The following PIK3C2B variants were observed in gnomAD, a reference collection of about 807,000 sequenced individuals.
PIK3C2B encodes the protein phosphatidylinositol 4-phosphate 3-kinase C2 domain-containing subunit beta.
PIK3C2B carries 83 observed loss-of-function variants against 184.3 expected under a neutral mutation model. That is an observed-to-expected ratio of 0.45 (90% CI 0.38 to 0.54). The LOEUF is 0.54. Among genes scored for constraint, PIK3C2B ranks in the 20% least tolerant of loss-of-function variants. PIK3C2B has a pLI of 0.00. For synonymous variants in PIK3C2B, 779 were observed against 837.6 expected, an observed-to-expected ratio of 0.93 and a Z score of 1.21; for missense variants, 1,736 against 2,113.5, an observed-to-expected ratio of 0.82 and a Z score of 3.50.
At chr1:204,459,606 G>A (rs1028398028) in intron 8 of PIK3C2B, among the ~76,000 whole-genome samples, 4 of 152,168 alleles carry the variant, frequency 2.6e-5, no homozygotes, top group Admixed American at 6.5e-5. Context: ...CCTTAGCTCT[G>A]GAGACATCCT....
At position 204,439,070 on chromosome 1, in the gene PIK3C2B, C is replaced by T; in HGVS notation, c.3381G>A (p.Gly1127=). ...FRCFSTGRGR[G]MVEMIPNAET... Reference sequence around the variant, plus strand: ...CAGCATTAGGGATCATCTCCACCATCCCTGTGAGGGGAGAAATGGGGGTCA... The same window carrying T: ...CAGCATTAGGGATCATCTCCACCATTCCTGTGAGGGGAGAAATGGGGGTCA... The change falls in exon 23 of 33, where the codon GGG becomes GGA. Residue 1127 remains glycine (G), a splice_region_variant and synonymous_variant. Transcript: ENST00000684373. The T allele has an allele frequency of 6.2e-7, 1 of 1,613,396 alleles. No homozygotes were observed. Among genetic ancestry groups the T allele is most frequent in the Non-Finnish European group, 8.5e-7 (1 of 1,179,756 alleles).
At chr1:204,455,747 G>A in intron 11 of PIK3C2B, 109 bp downstream of exon 11, 3 of 871,470 alleles carry the variant, frequency 3.4e-6, no homozygotes, top group East Asian at 2.7e-5. Flanking sequence ...GTCACACAAT[G>A]CCACACATCC....
chr1:204,467,532 G>A (rs1655907837), intron 2 of PIK3C2B, among the ~76,000 whole-genome samples: 1 of 152,152 alleles, frequency 6.6e-6, no homozygotes, highest in South Asian at 2.1e-4. Context: ...AGAATGCTAA[G>A]CTGTCACAGA....
At chr1:204,471,969 T>C (rs922183841) in intron 1 of PIK3C2B, among the ~76,000 whole-genome samples, 7 of 152,132 alleles carry the variant, frequency 4.6e-5, no homozygotes, top group Non-Finnish European at 1.0e-4. Context: ...ATTGATTTTT[T>C]TTTTTCCCCC....
At position 204,432,322 on chromosome 1, in the gene PIK3C2B, C is replaced by T; in HGVS notation, c.4033G>A (p.Gly1345Ser). ...GAGAGGGTCAGCCGGTCATCTGAGCCCGTGAACTTCATCTGAGCCAGATTA... is the reference window on the plus strand; with the variant it reads ...GAGAGGGTCAGCCGGTCATCTGAGCTCGTGAACTTCATCTGAGCCAGATTA... ...IHNLAQMKFT[G>S]SDDRLTLSFA... is the part of the protein sequence containing the mutation. The change falls in exon 27 of 33, where the codon GGC (glycine) becomes AGC (serine). Residue 1345 changes from glycine to serine, a missense_variant. Coordinates refer to ENST00000684373, the MANE Select transcript of PIK3C2B (RefSeq NM_001377334.1). 6.2e-7 allele frequency: 1 copy of T among 1,614,128 alleles called. No homozygotes were observed. The highest frequency in any genetic ancestry group is 8.5e-7 in the Non-Finnish European group (1 of 1,180,016).
Position 204,428,175 on chromosome 1 carries a change from T to C in PIK3C2B, c.4444A>G (p.Lys1482Glu), listed in dbSNP as rs767829179. 1 of 1,612,832 alleles carries C rather than the reference T, an allele frequency of 6.2e-7. No individual in the cohort carries two copies. The highest frequency in any genetic ancestry group is 1.3e-5 in the African/African-American group (1 of 74,904). ...GGAGCTGGGCTGGTGCCCATAGCCT[T>C]CTCATCCCGGGGCAGTGGGTGGAAG... ...TFFHPLPRDE[K>E]AMGTSPAPKS... The change falls in exon 30 of 33, where the codon AAG (lysine) becomes GAG (glutamate). Residue 1482 changes from lysine to glutamate, a missense_variant. By Grantham distance (56) the Lys-to-Glu change is moderately conservative. Coordinates refer to ENST00000684373, the MANE Select transcript of PIK3C2B (RefSeq NM_001377334.1).
At chr1:204,437,434 G>A (rs1034666231) in intron 23 of PIK3C2B, among the ~76,000 whole-genome samples, 1 of 152,176 alleles carries the variant, frequency 6.6e-6, no homozygotes, top group Non-Finnish European at 1.5e-5. Flanking sequence ...GGTGGAGGTT[G>A]CAGTGAGCCA....
chr1:204,458,140 T>C (rs1318783118), intron 8 of PIK3C2B, among the ~76,000 whole-genome samples: 1 of 152,222 alleles, frequency 6.6e-6, no homozygotes, highest in Non-Finnish European at 1.5e-5. Flanking sequence ...CCTCTCTCTA[T>C]AGTTAGTCTA....
At chr1:204,449,543 T>C (rs6660789) in intron 13 of PIK3C2B, among the ~76,000 whole-genome samples, 2 of 152,032 alleles carry the variant, frequency 1.3e-5, no homozygotes, top group South Asian at 4.1e-4. Flanking sequence ...CTTCATGAGG[T>C]GGGGAGGCTG....
chr1:204,432,076 C>A, intron 27 of PIK3C2B, 124 bp downstream of exon 27: 1 of 886,068 alleles, frequency 1.1e-6, no homozygotes, highest in Non-Finnish European at 1.8e-6. Context: ...TCCAGGACTG[C>A]TCCCAGCACA....
intron 27 of PIK3C2B, 109 bp downstream of exon 27, chr1:204,432,091 G>A (rs1023631207): frequency 1.6e-5 from 16 of 981,966 alleles, no homozygotes; most frequent in African/African-American, 3.2e-5. Context: ...AGCACAGGAC[G>A]CTCGGTCAAC....
Position 204,433,346 on chromosome 1 carries a change from GTAT to G in PIK3C2B, c.3920_3922del (p.Asp1307_Thr1308delinsAla). On this transcript the variant is annotated inframe_deletion, in exon 26 of 33. Coordinates refer to ENST00000684373, the MANE Select transcript of PIK3C2B (RefSeq NM_001377334.1). This position sits in a 1 kb window ranked among gnomAD's most constrained non-coding sequence, Gnocchi z 5.0. Reference sequence around the variant, plus strand: ...GAAGTAGGTAGTGGCATTGGCCTCTGTATCCTGAGGCCTCAGGGCATCGTACAC... The same window carrying G: ...GAAGTAGGTAGTGGCATTGGCCTCTGCCTGAGGCCTCAGGGCATCGTACAC... 6.2e-7 allele frequency: 1 copy of G among 1,607,536 alleles called. No individual in the cohort carries two copies. Among genetic ancestry groups the G allele is most frequent in the Non-Finnish European group, 8.5e-7 (1 of 1,174,000 alleles).
intron 21 of PIK3C2B, 137 bp from the exon 22 acceptor site, chr1:204,440,458 A>G: frequency 2.5e-6 from 2 of 810,206 alleles, no homozygotes; most frequent in Non-Finnish European, 3.7e-6. Context: ...CTGCTCACTC[A>G]GCTCACACCA....
At position 204,469,191 on chromosome 1, in the gene PIK3C2B, C is replaced by A; in HGVS notation, c.612G>T (p.Glu204Asp). The change falls in exon 2 of 33, where the codon GAG (glutamate) becomes GAT (aspartate). Residue 204 changes from glutamate to aspartate, a missense_variant. Coordinates refer to ENST00000684373, the MANE Select transcript of PIK3C2B (RefSeq NM_001377334.1). ...LVEQLPGKLL[E>D]HRILEEEEVL... ...CCTCTTCCTCTTCTAGGATCCGATGCTCTAGCAGTTTGCCCGGCAATTGTT... is the reference window on the plus strand; with the variant it reads ...CCTCTTCCTCTTCTAGGATCCGATGATCTAGCAGTTTGCCCGGCAATTGTT... The A allele has an allele frequency of 6.2e-7, 1 of 1,612,678 alleles. No homozygotes were observed. The highest frequency in any genetic ancestry group is 8.5e-7 in the Non-Finnish European group (1 of 1,179,098).
intron 5 of PIK3C2B, among the ~76,000 whole-genome samples, chr1:204,463,195 C>T (rs1434212277): frequency 6.6e-6 from 1 of 152,216 alleles, no homozygotes; most frequent in Non-Finnish European, 1.5e-5. Context: ...ACTTATAGGG[C>T]ACTCCTAAGA....
chr1:204,458,402 TA>T (rs916904059), intron 8 of PIK3C2B, among the ~76,000 whole-genome samples: 3 of 152,150 alleles, frequency 2.0e-5, no homozygotes, highest in African/African-American at 7.2e-5. Context: ...AGCCCTTAAT[TA>T]ATTTATTACC....
At chr1:204,444,241 G>A (rs1377419023) in intron 17 of PIK3C2B, 79 bp from the exon 18 acceptor site, 1 of 1,425,546 alleles carries the variant, frequency 7.0e-7, no homozygotes, top group Non-Finnish European at 9.9e-7. Context: ...ATTGCACTGG[G>A]ATCTCTGGTT....
chr1:204,464,117 T>A lies in PIK3C2B; in HGVS notation c.1205A>T (p.Asp402Val). 6.2e-7 allele frequency: 1 copy of A among 1,614,040 alleles called. No homozygotes were observed. The highest frequency in any genetic ancestry group is 2.2e-5 in the East Asian group (1 of 44,872). The part of the protein sequence containing the change: ...TFTCNCSSTV[D>V]LLIYQTLCYT... ...GCACAGGGTCTGGTAGATAAGCAAGTCTACAGTGGAGGAACCTGTGAAGGG... is the reference window on the plus strand; with the variant it reads ...GCACAGGGTCTGGTAGATAAGCAAGACTACAGTGGAGGAACCTGTGAAGGG... Residue 402 changes from aspartate to valine, a missense_variant, in exon 5 of 33, where the codon GAC becomes GTC. Coordinates refer to ENST00000684373, the MANE Select transcript of PIK3C2B (RefSeq NM_001377334.1).
Position 204,433,804 on chromosome 1 carries a change from G to A in PIK3C2B, c.3832C>T (p.Leu1278Phe), listed in dbSNP as rs1675199971. ...ATGGAGCTCCTCACCAGGCCCAGAA[G>A]GTTGAGGAAGAGGTGGGTGTGCTTG... ...IRKHTHLFLN[L>F]LGLMLSCGIP... The change falls in exon 25 of 33, where the codon CTT becomes TTT. Residue 1278 changes from leucine to phenylalanine, a missense_variant. Leu to Phe is a conservative substitution (Grantham distance 22). Transcript: ENST00000684373. This position sits in a 1 kb window ranked among gnomAD's most constrained non-coding sequence, Gnocchi z 5.0. 7 of 1,614,032 alleles carry A rather than the reference G, an allele frequency of 4.3e-6. No homozygotes were observed. The highest frequency in any genetic ancestry group is 5.1e-6 in the Non-Finnish European group (6 of 1,179,854).
Sources: allele counts gnomAD v4.1 joint callset (sites outside exome capture counted in the v4.1 genomes callset), GRCh38; gene constraint gnomAD v4.1.1; non-coding constraint Gnocchi (gnomAD v3.1); transcripts MANE v1.5; gene names NCBI Gene and HGNC (gene_info 2026-07-23, HGNC 2026-07-21).